The following DCT variants were observed in gnomAD, a reference collection of about 807,000 sequenced individuals.
DCT encodes dopachrome tautomerase, also known as L-dopachrome tautomerase.
Under a neutral mutation model 53.0 loss-of-function variants are expected in DCT, and 47 were observed. That is an observed-to-expected ratio of 0.89 (90% CI 0.70 to 1.13). The LOEUF is 1.13. Ranked by LOEUF, DCT falls within the 50% of genes most tolerant of loss-of-function variation. DCT has a pLI of 0.00. For missense variants in DCT, 669 were observed against 637.4 expected (o/e 1.05, Z -0.53); for synonymous variants, 244 against 237.0 (o/e 1.03, Z -0.27).
chr13:94,456,283 C>T (rs1883409409), intron 6 of DCT, among the ~76,000 whole-genome samples: 1 of 152,154 alleles, frequency 6.6e-6, no homozygotes, highest in African/African-American at 2.4e-5. Context: ...TTTCTTGAAG[C>T]TCACCTGACT....
At chr13:94,441,495 T>C (rs1189386822) in intron 7 of DCT, among the ~76,000 whole-genome samples, 5 of 152,170 alleles carry the variant, frequency 3.3e-5, no homozygotes, top group Admixed American at 3.3e-4. Flanking sequence ...AACTGATACA[T>C]TGTGCCCACC....
intron 1 of DCT, among the ~76,000 whole-genome samples, chr13:94,477,058 A>C (rs1451283966): frequency 1.3e-5 from 2 of 152,184 alleles, no homozygotes; most frequent in African/African-American, 4.8e-5. Context: ...AGAATTAAAA[A>C]TATTACTACA....
At chr13:94,494,284 T>C in the DCT span, among the ~76,000 whole-genome samples, 5 of 152,284 alleles carry the variant, frequency 3.3e-5, no homozygotes, top group Non-Finnish European at 7.4e-5. Context: ...AACAGTTTCC[T>C]TAGAGGGGCA....
At chr13:94,522,536 C>T in the DCT span, among the ~76,000 whole-genome samples, 1 of 151,954 alleles carries the variant, frequency 6.6e-6, no homozygotes, top group South Asian at 2.1e-4. Context: ...TCTAGAGAAC[C>T]CTGGCTAATA....
At chr13:94,532,043 C>A in the DCT span, among the ~76,000 whole-genome samples, 5 of 152,168 alleles carry the variant, frequency 3.3e-5, no homozygotes, top group Non-Finnish European at 5.9e-5. Context: ...AAATGCTTAT[C>A]ATCACTGGTC....
intron 1 of DCT, among the ~76,000 whole-genome samples, chr13:94,472,598 T>G (rs1276880785): frequency 1.2e-5 from 1 of 84,706 alleles, no homozygotes; most frequent in East Asian, 4.4e-4. Flanking sequence ...TTTTTTTTTT[T>G]GTCAAGACAG....
chr13:94,436,945 C>T lies in DCT; in HGVS notation c.*2953G>A, dbSNP rs1881946750. On this transcript the variant is annotated 3_prime_UTR_variant, in exon 8 of 8. Transcript: ENST00000377028. ...CCAACAAATTGACCCATCTTGAAGG[C>T]TTATCTGGGAGATCACCAAGTTAGC... The T allele has an allele frequency of 6.6e-6, 1 of 152,194 alleles. No homozygotes were observed. The highest frequency in any genetic ancestry group is 2.4e-5 in the African/African-American group (1 of 41,444). The allele number at this position is 152,194 out of a possible 1,614,324, so 9.4% of individuals were successfully genotyped here. A position where few individuals can be genotyped will look rare whatever the true frequency, so the allele number is the denominator to read the frequency against.
the DCT span, among the ~76,000 whole-genome samples, chr13:94,489,397 AGT>A: frequency 1.3e-5 from 2 of 152,188 alleles, no homozygotes; most frequent in African/African-American, 4.8e-5. Context: ...ACCCTGGACA[AGT>A]GGTTATTCTC....
At chr13:94,490,522 A>AAAAC in the DCT span, among the ~76,000 whole-genome samples, 1 of 147,578 alleles carries the variant, frequency 6.8e-6, no homozygotes, top group Non-Finnish European at 1.5e-5. Context: ...AAAAAAAAAA[A>AAAAC]AAAAAAAAAC....
At chr13:94,440,961 G>A (rs1306361718) in intron 7 of DCT, among the ~76,000 whole-genome samples, 4 of 152,158 alleles carry the variant, frequency 2.6e-5, no homozygotes, top group Admixed American at 2.0e-4. Flanking sequence ...GATTACAGGT[G>A]TGAGCTACTG....
intron 5 of DCT, 66 bp downstream of exon 5, chr13:94,461,944 C>A: frequency 2.1e-6 from 3 of 1,432,244 alleles, no homozygotes; most frequent in South Asian, 2.6e-5. Context: ...CCTTCCAGTT[C>A]TTTACAATCA....
intron 6 of DCT, among the ~76,000 whole-genome samples, chr13:94,448,556 TAAAGGGTC>T (rs980341659): frequency 1.1e-4 from 16 of 152,146 alleles, no homozygotes; most frequent in African/African-American, 3.4e-4. Context: ...AATATCTCTG[TAAAGGGTC>T]AAATGTCATT....
intron 6 of DCT, among the ~76,000 whole-genome samples, chr13:94,452,856 T>C (rs1883185388): frequency 6.6e-6 from 1 of 152,134 alleles, no homozygotes; most frequent in Non-Finnish European, 1.5e-5. Context: ...GGGTCTATAA[T>C]ATGCTACCAT....
At chr13:94,454,006 C>T (rs1317796499) in intron 6 of DCT, among the ~76,000 whole-genome samples, 1 of 152,122 alleles carries the variant, frequency 6.6e-6, no homozygotes, top group Non-Finnish European at 1.5e-5. Context: ...ATTTCACTAA[C>T]TTTGTTGTAG....
the DCT span, among the ~76,000 whole-genome samples, chr13:94,513,987 C>CAAAAAAAAAAAAAAAAA: frequency 3.8e-5 from 2 of 53,202 alleles, no homozygotes; most frequent in Non-Finnish European, 6.8e-5. Flanking sequence ...AACTCTGTCT[C>CAAAAAAAAAAAAAAAAA]AAAAAAAAAA....
the DCT span, among the ~76,000 whole-genome samples, chr13:94,506,644 A>G: frequency 1.3e-5 from 2 of 152,184 alleles, no homozygotes; most frequent in Non-Finnish European, 1.5e-5. Context: ...TTCCACAGTA[A>G]TCATTATGGA....
chr13:94,444,020 G>A (rs1209566382), intron 6 of DCT, among the ~76,000 whole-genome samples: 1 of 152,140 alleles, frequency 6.6e-6, no homozygotes, highest in Non-Finnish European at 1.5e-5. Context: ...TCAGAAAAAG[G>A]CAAGTATGAT....
rs141419278 is a variant in DCT at position 94,440,002 on chromosome 13, G to A, written c.1456C>T (p.Leu486Phe). The A allele has an allele frequency of 6.2e-7, 1 of 1,614,014 alleles. No individual in the cohort carries two copies. The change falls in exon 8 of 8, where the codon CTT becomes TTT. Residue 486 changes from leucine (L) to phenylalanine (F), a missense_variant. By Grantham distance (22) the Leu-to-Phe change is conservative. Transcript: ENST00000377028. The part of the protein sequence containing the change: ...VMGTLVALVG[L>F]FVLLAFLQYR... ...TGAAGAAAAGCCAACAGCACAAAAA[G>A]ACCAACCAAAGCCACCAGTGTTCCC...
At chr13:94,519,188 C>A in the DCT span, among the ~76,000 whole-genome samples, 1 of 152,158 alleles carries the variant, frequency 6.6e-6, no homozygotes, top group Non-Finnish European at 1.5e-5. Flanking sequence ...ACGGCACATA[C>A]CCAAGTGAAA....
Sources: allele counts gnomAD v4.1 joint callset (sites outside exome capture counted in the v4.1 genomes callset), GRCh38; gene constraint gnomAD v4.1.1; transcripts MANE v1.5; gene names NCBI Gene and HGNC (gene_info 2026-07-23, HGNC 2026-07-21).